Variants in SEMA3D observed in about 807,000 individuals in gnomAD.
The protein encoded by SEMA3D is semaphorin 3D, also known as semaphorin-3D.
A neutral mutation model predicts 100.1 loss-of-function variants in SEMA3D; 84 were observed. That is an observed-to-expected ratio of 0.84 (90% CI 0.70 to 1.01). SEMA3D has a LOEUF of 1.01. Ranked by LOEUF, SEMA3D falls within the 50% of genes least tolerant of loss-of-function variation. SEMA3D has a pLI of 0.00. For missense variants in SEMA3D, 875 were observed against 934.1 expected (o/e 0.94, Z 0.82); for synonymous variants, 312 against 320.7 (o/e 0.97, Z 0.29).
chr7:85,008,297 T>C (rs1244467292), intron 17 of SEMA3D, among the ~76,000 whole-genome samples: 1 of 151,804 alleles, frequency 6.6e-6, no homozygotes, highest in Non-Finnish European at 1.5e-5. Context: ...TTGGTCAATT[T>C]AGTAAAAGAT....
At chr7:85,214,401 T>G in the SEMA3D span, among the ~76,000 whole-genome samples, 1 of 152,166 alleles carries the variant, frequency 6.6e-6, no homozygotes, top group Admixed American at 6.6e-5. Context: ...GGGTAGAAGA[T>G]AGAGAAGAAA....
rs117449374 is a variant in SEMA3D at position 85,126,779 on chromosome 7, T to A, written c.-40-4848A>T. ...AAACTCGAAAGCCAAAGGGGTAACA[T>A]AGGCAAACACAGAGAAGCTTTATGT... On this transcript the variant is annotated intron_variant, in intron 2 of 18. Coordinates refer to ENST00000284136, the MANE Select transcript of SEMA3D (RefSeq NM_001384900.1). Among the ~76,000 whole-genome samples the A allele has an allele frequency of 5.1e-3, 778 of 152,120 alleles. 4 individuals are homozygous for A. The highest frequency in any genetic ancestry group is 8.1e-3 in the Non-Finnish European group (552 of 67,994).
chr7:85,079,072 T>A (rs1787974556), intron 5 of SEMA3D, among the ~76,000 whole-genome samples: 1 of 152,184 alleles, frequency 6.6e-6, no homozygotes, highest in Non-Finnish European at 1.5e-5. Context: ...TGGAGCAAGC[T>A]TTTTGGATTC....
intron 4 of SEMA3D, among the ~76,000 whole-genome samples, chr7:85,097,138 G>T (rs1270378082): frequency 6.6e-6 from 1 of 151,814 alleles, no homozygotes; most frequent in Admixed American, 6.6e-5. Context: ...AATGTCTAAA[G>T]TGTGGCACCC....
At chr7:85,202,662 C>T in the SEMA3D span, among the ~76,000 whole-genome samples, 5 of 151,952 alleles carry the variant, frequency 3.3e-5, no homozygotes, top group Non-Finnish European at 7.4e-5. Context: ...GCAAACAACC[C>T]CATCAAAAAG....
At chr7:85,128,678 T>C (rs1211500128) in intron 2 of SEMA3D, among the ~76,000 whole-genome samples, 1 of 151,730 alleles carries the variant, frequency 6.6e-6, no homozygotes, top group African/African-American at 2.4e-5. Flanking sequence ...ATAATCTATA[T>C]CTAATATTAT....
At chr7:85,133,369 A>T (rs903647006) in intron 2 of SEMA3D, among the ~76,000 whole-genome samples, 1 of 152,074 alleles carries the variant, frequency 6.6e-6, no homozygotes, top group South Asian at 2.1e-4. Flanking sequence ...TTGAGCATAC[A>T]TACAGCTGCC....
intron 4 of SEMA3D, among the ~76,000 whole-genome samples, chr7:85,095,413 A>T (rs1451821072): frequency 1.3e-5 from 2 of 151,738 alleles, no homozygotes; most frequent in African/African-American, 4.8e-5. Flanking sequence ...TTAACTTTCC[A>T]AGGGAAAAAA....
chr7:85,087,596 T>G (rs892645363), intron 4 of SEMA3D, among the ~76,000 whole-genome samples: 1 of 152,184 alleles, frequency 6.6e-6, no homozygotes, highest in African/African-American at 2.4e-5. Flanking sequence ...ACAGATCTAG[T>G]TGATAACAGA....
chr7:85,243,511 T>C, the SEMA3D span, among the ~76,000 whole-genome samples: 2 of 152,340 alleles, frequency 1.3e-5, no homozygotes, highest in African/African-American at 4.8e-5. Flanking sequence ...TGCCTGTCTG[T>C]CTCAAATTTT....
the SEMA3D span, among the ~76,000 whole-genome samples, chr7:85,202,881 A>T: frequency 6.6e-6 from 1 of 152,148 alleles, no homozygotes; most frequent in South Asian, 2.1e-4. Context: ...ACTATATAGT[A>T]GAACAAAAGA....
At chr7:85,237,554 G>A in the SEMA3D span, among the ~76,000 whole-genome samples, 1 of 152,118 alleles carries the variant, frequency 6.6e-6, no homozygotes, top group African/African-American at 2.4e-5. Context: ...TTTTAAGATG[G>A]TTTATTTCAT....
the SEMA3D span, among the ~76,000 whole-genome samples, chr7:85,219,762 A>C: frequency 6.6e-6 from 1 of 152,116 alleles, no homozygotes; most frequent in East Asian, 1.9e-4. Context: ...CATAATTCTA[A>C]AATTATACAC....
the SEMA3D span, among the ~76,000 whole-genome samples, chr7:85,241,908 G>A: frequency 6.6e-6 from 1 of 151,764 alleles, no homozygotes; most frequent in African/African-American, 2.4e-5. Flanking sequence ...CAAAAGTAAG[G>A]CAATAACAAA....
the SEMA3D span, among the ~76,000 whole-genome samples, chr7:85,238,962 C>T: frequency 6.6e-6 from 1 of 151,886 alleles, no homozygotes; most frequent in African/African-American, 2.4e-5. Flanking sequence ...GTAAATAGTA[C>T]TGCATTTTAA....
chr7:85,228,831 T>C, the SEMA3D span, among the ~76,000 whole-genome samples: 1 of 152,074 alleles, frequency 6.6e-6, no homozygotes, highest in Non-Finnish European at 1.5e-5. Context: ...TGCTCTGGGA[T>C]AAGAAAGAAA....
At chr7:85,201,053 C>G in the SEMA3D span, among the ~76,000 whole-genome samples, 41 of 152,310 alleles carry the variant, frequency 2.7e-4, no homozygotes, top group African/African-American at 9.9e-4. Context: ...TATGTGGATT[C>G]TCAAGTTTCT....
chr7:85,034,242 A>G (rs907897352), intron 12 of SEMA3D, among the ~76,000 whole-genome samples: 4 of 152,152 alleles, frequency 2.6e-5, no homozygotes, highest in African/African-American at 9.7e-5. Flanking sequence ...TATTACTATT[A>G]AAATATAAGT....
the SEMA3D span, among the ~76,000 whole-genome samples, chr7:85,248,020 G>GA: frequency 6.6e-6 from 1 of 151,830 alleles, no homozygotes; most frequent in Admixed American, 6.6e-5. Context: ...ATTCATGAAA[G>GA]AAAAAATGTG....
Sources: allele counts gnomAD v4.1 joint callset (sites outside exome capture counted in the v4.1 genomes callset), GRCh38; gene constraint gnomAD v4.1.1; transcripts MANE v1.5; gene names NCBI Gene and HGNC (gene_info 2026-07-23, HGNC 2026-07-21).